The following CHST9 variants were observed in gnomAD, a reference collection of about 807,000 sequenced individuals.
CHST9 encodes carbohydrate sulfotransferase 9, also known as GalNAc-4-sulfotransferase 2.
Under a neutral mutation model 44.4 loss-of-function variants are expected in CHST9, and 41 were observed. The observed-to-expected ratio is 0.92, with a 90% CI of 0.72 to 1.20. The LOEUF (loss-of-function observed/expected upper bound fraction) is 1.20. CHST9 is among the 50% of genes most tolerant of loss of function. The probability of loss-of-function intolerance (pLI) is 0.00; values close to 1 mark genes in which losing one functional copy is unlikely to be tolerated. For missense variants in CHST9, 504 were observed against 516.5 expected (o/e 0.98, Z 0.23); for synonymous variants, 171 against 178.4 (o/e 0.96, Z 0.33).
chr18:27,060,289 C>T (rs1351066658), intron 2 of CHST9, among the ~76,000 whole-genome samples: 3 of 152,130 alleles, frequency 2.0e-5, no homozygotes, highest in Non-Finnish European at 1.5e-5. Flanking sequence ...GGGCCTGTAC[C>T]TAATAATAGA....
intron 1 of CHST9, among the ~76,000 whole-genome samples, chr18:27,157,723 G>A (rs765545491): frequency 1.4e-4 from 22 of 151,892 alleles, no homozygotes; most frequent in Non-Finnish European, 3.1e-4. Context: ...GATATATAGA[G>A]AAGCCTAGAA....
chr18:27,060,672 CTT>C (rs1429123157), intron 2 of CHST9, among the ~76,000 whole-genome samples: 1 of 152,200 alleles, frequency 6.6e-6, no homozygotes, highest in Non-Finnish European at 1.5e-5. Context: ...CCATTCTCCT[CTT>C]TTTCTACTCT....
chr18:27,092,580 T>C (rs989762565), intron 2 of CHST9, among the ~76,000 whole-genome samples: 3 of 152,212 alleles, frequency 2.0e-5, no homozygotes, highest in African/African-American at 7.2e-5. Context: ...CTTGTGGGCA[T>C]TTAGTGCTAT....
intron 4 of CHST9, among the ~76,000 whole-genome samples, chr18:26,963,892 T>C (rs2056431610): frequency 6.6e-6 from 1 of 152,200 alleles, no homozygotes; most frequent in Non-Finnish European, 1.5e-5. Flanking sequence ...GCAGGTCACA[T>C]AGTAAGTGCT....
rs2058646154 is a variant in CHST9 at position 27,149,855 on chromosome 18, G to T, written c.-96-6950C>A. On this transcript the variant is annotated intron_variant, in intron 1 of 5. Coordinates refer to ENST00000618847, the MANE Select transcript of CHST9 (RefSeq NM_031422.6). ...CCGTATTTTTCATTTCTAATATTCT[G>T]TTCCTACTTATTTCATATTCACTTG... 3.3e-5 allele frequency among the ~76,000 whole-genome samples: 5 copies of T among 151,738 alleles called. No individual in the cohort carries two copies. The South Asian group carries it at 1.0e-3, about 32-fold the overall frequency.
At chr18:27,064,336 T>C (rs995796549) in intron 2 of CHST9, among the ~76,000 whole-genome samples, 9 of 151,364 alleles carry the variant, frequency 5.9e-5, no homozygotes, top group African/African-American at 1.9e-4. Flanking sequence ...GGGGCCCAGG[T>C]TGCTGTCTCT....
intron 5 of CHST9, among the ~76,000 whole-genome samples, chr18:26,917,875 AT>A (rs11464748): frequency 0.013 from 1,997 of 150,388 alleles, 24 homozygotes; most frequent in African/African-American, 0.037. Flanking sequence ...AAAATCATGT[AT>A]TTTTTTTTTC....
In CHST9 at chr18:27,024,213, T is replaced by C. The variant is rs372695193; in HGVS notation, c.161-56A>G. 17 of 1,455,368 alleles carry C rather than the reference T, an allele frequency of 1.2e-5. No homozygotes were observed. The East Asian group carries it at 2.8e-4, about 24-fold the overall frequency. The allele number at this position is 1,455,368 out of a possible 1,614,324, so 90.2% of individuals were successfully genotyped here. A position where few individuals can be genotyped will look rare whatever the true frequency, so the allele number is the denominator to read the frequency against. ...TTACCATCACATCCAAAGACATTTA[T>C]AAAACTTTCTACACAAAGATGCCTC... On this transcript the variant is annotated intron_variant, in intron 3 of 5. Transcript: ENST00000618847.
At chr18:27,016,520 G>A (rs1452383946) in intron 4 of CHST9, among the ~76,000 whole-genome samples, 1 of 152,116 alleles carries the variant, frequency 6.6e-6, no homozygotes, top group Non-Finnish European at 1.5e-5. Context: ...ATCAAAAACT[G>A]TACGTTTGTT....
At chr18:27,151,906 G>T (rs559372568) in intron 1 of CHST9, among the ~76,000 whole-genome samples, 10 of 152,164 alleles carry the variant, frequency 6.6e-5, no homozygotes, top group Admixed American at 3.3e-4. Flanking sequence ...GTGATAATCT[G>T]TTATAGCAGC....
Position 26,915,005 on chromosome 18 carries a change from A to G in CHST9, c.*1254T>C. 1 of 397,834 alleles carries G rather than the reference A, an allele frequency of 2.5e-6. No homozygotes were observed. Among genetic ancestry groups the G allele is most frequent in the Non-Finnish European group, 4.4e-6 (1 of 225,604 alleles). 24.6% of individuals were successfully genotyped at this position (397,834 alleles called of 1,614,324 possible). ...TTTTCCCCAAGGGATCTAATTTAGG[A>G]TCCCTTGGAAAAAAATTCCAAAATG... On this transcript the variant is annotated 3_prime_UTR_variant, in exon 6 of 6. Coordinates refer to ENST00000618847, the MANE Select transcript of CHST9 (RefSeq NM_031422.6).
At chr18:27,061,224 G>A (rs950409577) in intron 2 of CHST9, among the ~76,000 whole-genome samples, 2 of 152,110 alleles carry the variant, frequency 1.3e-5, no homozygotes, top group African/African-American at 4.8e-5. Flanking sequence ...AATGCACCAC[G>A]GGACCACCCT....
intron 1 of CHST9, among the ~76,000 whole-genome samples, chr18:27,161,696 T>A (rs2058748450): frequency 6.6e-6 from 1 of 152,168 alleles, no homozygotes; most frequent in Admixed American, 6.5e-5. Flanking sequence ...CTGTCTAATG[T>A]TGACAGTGGG....
At chr18:26,918,165 C>T (rs776079071) in intron 5 of CHST9, among the ~76,000 whole-genome samples, 1 of 152,048 alleles carries the variant, frequency 6.6e-6, no homozygotes, top group Admixed American at 6.6e-5. Context: ...TAAAAGAAGA[C>T]ATGGAAGACG....
chr18:27,022,022 C>G (rs2057232606), intron 4 of CHST9, among the ~76,000 whole-genome samples: 1 of 152,128 alleles, frequency 6.6e-6, no homozygotes. Flanking sequence ...GTGAGGTCAC[C>G]CAGCATGTGT....
chr18:27,025,379 C>T (rs1356906428), intron 3 of CHST9, among the ~76,000 whole-genome samples: 1 of 151,802 alleles, frequency 6.6e-6, no homozygotes, highest in African/African-American at 2.4e-5. Context: ...CACCTAGTCT[C>T]AGTGTGACTC....
At position 26,917,175 on chromosome 18, in the gene CHST9, G is replaced by A; in HGVS notation, c.416C>T (p.Ala139Val). The stretch of plus-strand genomic sequence containing the variant: ...GCTGAACTTGTTAAAAACAGTCTTA[G>A]CTCCTTGACGTTTTTCAATCAACTT... Reference protein sequence around the residue: ...TEKLIEKRQGAKTVFNKFSNM... With the variant: ...TEKLIEKRQGVKTVFNKFSNM... The change falls in exon 6 of 6, where the codon GCT becomes GTT. Residue 139 changes from alanine to valine, a missense_variant. Ala to Val is a moderately conservative substitution (Grantham distance 64). Transcript: ENST00000618847. The A allele has an allele frequency of 3.1e-6, 5 of 1,613,880 alleles. No homozygotes were observed. The highest frequency in any genetic ancestry group is 3.4e-6 in the Non-Finnish European group (4 of 1,179,844).
intron 4 of CHST9, among the ~76,000 whole-genome samples, chr18:26,984,484 G>C (rs1207343022): frequency 6.6e-6 from 1 of 151,942 alleles, no homozygotes; most frequent in Non-Finnish European, 1.5e-5. Context: ...GGATATAAAA[G>C]AACTAGCAAT....
At chr18:27,004,394 C>T (rs2056988771) in intron 4 of CHST9, among the ~76,000 whole-genome samples, 1 of 151,520 alleles carries the variant, frequency 6.6e-6, no homozygotes, top group Non-Finnish European at 1.5e-5. Flanking sequence ...ATTTGTGCTT[C>T]CAGTGGTAAA....
Sources: allele counts gnomAD v4.1 joint callset (sites outside exome capture counted in the v4.1 genomes callset), GRCh38; gene constraint gnomAD v4.1.1; transcripts MANE v1.5; gene names NCBI Gene and HGNC (gene_info 2026-07-23, HGNC 2026-07-21).